Variants in NPSR1 observed in about 807,000 individuals in gnomAD.
NPSR1 encodes neuropeptide S receptor.
Under a neutral mutation model 46.9 loss-of-function variants are expected in NPSR1, and 48 were observed. The observed-to-expected ratio is 1.02, with a 90% confidence interval of 0.81 to 1.30. The LOEUF (loss-of-function observed/expected upper bound fraction) is 1.30, where lower values mean the gene tolerates loss of function less well. Ranked by LOEUF, NPSR1 falls within the 50% of genes most tolerant of loss-of-function variation. The probability of loss-of-function intolerance (pLI) is 0.00; values close to 1 mark genes in which losing one functional copy is unlikely to be tolerated. For missense variants in NPSR1, 450 were observed against 449.5 expected (o/e 1.00, Z -0.01); for synonymous variants, 176 against 168.1 (o/e 1.05, Z -0.36).
chr7:34,797,487 T>C (rs909471326), intron 3 of NPSR1, among the ~76,000 whole-genome samples: 1 of 152,132 alleles, frequency 6.6e-6, no homozygotes, highest in Non-Finnish European at 1.5e-5. Context: ...CTAAAACTGC[T>C]CTAATAATAA....
At chr7:34,699,192 G>GT (rs1793691511) in intron 2 of NPSR1, among the ~76,000 whole-genome samples, 1 of 152,154 alleles carries the variant, frequency 6.6e-6, no homozygotes, top group African/African-American at 2.4e-5. Flanking sequence ...TAAAGATGCT[G>GT]TTATTGACCA....
chr7:34,785,577 AAAGT>A (rs1787431063), intron 3 of NPSR1, among the ~76,000 whole-genome samples: 1 of 152,164 alleles, frequency 6.6e-6, no homozygotes, highest in South Asian at 2.1e-4. Context: ...CTCACTGTTA[AAAGT>A]AAGTACATTT....
intron 8 of NPSR1, among the ~76,000 whole-genome samples, chr7:34,868,251 C>T (rs145172238): frequency 6.6e-6 from 1 of 151,584 alleles, no homozygotes; most frequent in African/African-American, 2.4e-5. Context: ...TCTGCTCCCC[C>T]TTCACTAGAA....
intron 2 of NPSR1, among the ~76,000 whole-genome samples, chr7:34,689,402 G>A (rs895895263): frequency 6.6e-5 from 10 of 151,484 alleles, no homozygotes; most frequent in Non-Finnish European, 1.0e-4. Context: ...TCAGGAGATC[G>A]AGACCATCCT....
intron 2 of NPSR1, among the ~76,000 whole-genome samples, chr7:34,705,830 A>C (rs1794077694): frequency 6.6e-6 from 1 of 151,862 alleles, no homozygotes. Flanking sequence ...ATCAATGTGT[A>C]TTTCTATATT....
chr7:34,844,536 A>G (rs549105747), intron 6 of NPSR1, among the ~76,000 whole-genome samples: 2 of 152,296 alleles, frequency 1.3e-5, no homozygotes, highest in South Asian at 2.1e-4. Flanking sequence ...AAGTGGCCAC[A>G]TGGGTGTCTC....
chr7:34,774,370 C>T (rs1008713131), intron 2 of NPSR1, among the ~76,000 whole-genome samples: 1 of 152,174 alleles, frequency 6.6e-6, no homozygotes, highest in African/African-American at 2.4e-5. Context: ...CTCATGCAGC[C>T]TCTTCATGCC....
rs776453644 is a variant in NPSR1, at chr7:34,827,525, G to A, written c.603G>A (p.Trp201Ter). The change falls in exon 5 of 9, where the codon TGG becomes TGA. Residue 201 changes from tryptophan (W) to a stop codon, truncating the protein, a stop_gained. Transcript: ENST00000360581. LOFTEE classifies it high-confidence loss of function. Reference sequence around the variant, plus strand: ...GTGAAGTGCAGTGCTGGGCCCTGTGGCCTGACGACTCCTACTGGACCCCAT... The same window carrying A: ...GTGAAGTGCAGTGCTGGGCCCTGTGACCTGACGACTCCTACTGGACCCCAT... ...SNGEVQCWAL[W>*]PDDSYWTPYM... 1 of 1,613,508 alleles carries A rather than the reference G, an allele frequency of 6.2e-7. No individual in the cohort carries two copies. Among genetic ancestry groups the A allele is most frequent in the South Asian group, 1.1e-5 (1 of 91,064 alleles).
intron 2 of NPSR1, among the ~76,000 whole-genome samples, chr7:34,708,970 C>G (rs1045783790): frequency 6.6e-6 from 1 of 152,094 alleles, no homozygotes; most frequent in Non-Finnish European, 1.5e-5. Context: ...TAATGAGGCT[C>G]AGAGAGGGTA....
At chr7:34,738,657 G>C (rs1404728074) in intron 2 of NPSR1, among the ~76,000 whole-genome samples, 2 of 151,728 alleles carry the variant, frequency 1.3e-5, no homozygotes, top group Non-Finnish European at 2.9e-5. Flanking sequence ...TTTGTTCCCT[G>C]CTTTTGTCTT....
At chr7:34,847,950 G>A (rs2128764857) in intron 7 of NPSR1, among the ~76,000 whole-genome samples, 1 of 152,326 alleles carries the variant, frequency 6.6e-6, no homozygotes, top group South Asian at 2.1e-4. Context: ...AGGGCATAGT[G>A]TGGGTGTTTT....
intron 4 of NPSR1, among the ~76,000 whole-genome samples, chr7:34,822,903 ATAAAAATT>A (rs1789623022): frequency 6.6e-6 from 1 of 152,226 alleles, no homozygotes. Flanking sequence ...TTTTTACTAC[ATAAAAATT>A]TAAATTATTT....
At chr7:34,778,669 A>G in intron 3 of NPSR1, 104 bp downstream of exon 3, 1 of 672,660 alleles carries the variant, frequency 1.5e-6, no homozygotes, top group South Asian at 1.9e-5. Flanking sequence ...TATGCATCAA[A>G]CTGCCCGCTT....
At chr7:34,815,666 G>A (rs1789210480) in intron 4 of NPSR1, among the ~76,000 whole-genome samples, 1 of 152,192 alleles carries the variant, frequency 6.6e-6, no homozygotes, top group African/African-American at 2.4e-5. Flanking sequence ...CAGCCAGAGA[G>A]AAAGGTCAGG....
At chr7:34,873,475 A>G (rs1350190273) in intron 8 of NPSR1, among the ~76,000 whole-genome samples, 1 of 151,792 alleles carries the variant, frequency 6.6e-6, no homozygotes, top group Non-Finnish European at 1.5e-5. Context: ...GCTTTACATG[A>G]AGCATGGTGC....
chr7:34,748,273 T>C (rs2128722415), intron 2 of NPSR1, among the ~76,000 whole-genome samples: 1 of 152,342 alleles, frequency 6.6e-6, no homozygotes, highest in Non-Finnish European at 1.5e-5. Context: ...ATAATATCTA[T>C]TGATCAAACC....
Position 34,684,576 on chromosome 7 carries a change from G to T in NPSR1, c.172G>T (p.Val58Phe). 1 of 1,613,530 alleles carries T rather than the reference G, an allele frequency of 6.2e-7. No individual in the cohort carries two copies. Among genetic ancestry groups the T allele is most frequent in the Non-Finnish European group, 8.5e-7 (1 of 1,179,722 alleles). ...GACTGAGCAATTGATAACTCTGTGG[G>T]TCCTCTTTGTTTTTACCATTGTTGG... ...FKTEQLITLWVLFVFTIVGNS... is the reference protein window; with the variant it reads ...FKTEQLITLWFLFVFTIVGNS... Residue 58 changes from valine (V) to phenylalanine (F), a missense_variant, in exon 2 of 9, where the codon GTC (valine) becomes TTC (phenylalanine). Val to Phe is a conservative substitution (Grantham distance 50). Coordinates refer to ENST00000360581, the MANE Select transcript of NPSR1 (RefSeq NM_207172.2).
chr7:34,867,006 G>C (rs1472991820), intron 8 of NPSR1, among the ~76,000 whole-genome samples: 1 of 151,600 alleles, frequency 6.6e-6, no homozygotes, highest in Non-Finnish European at 1.5e-5. Flanking sequence ...TTCCACCCAG[G>C]AGCAAGACTG....
intron 4 of NPSR1, among the ~76,000 whole-genome samples, chr7:34,819,167 C>G (rs1789419554): frequency 6.6e-6 from 1 of 151,960 alleles, no homozygotes; most frequent in African/African-American, 2.4e-5. Flanking sequence ...TGCAATCTAC[C>G]CATCTGAAAA....
Sources: allele counts gnomAD v4.1 joint callset (sites outside exome capture counted in the v4.1 genomes callset), GRCh38; gene constraint gnomAD v4.1.1; transcripts MANE v1.5; gene names NCBI Gene and HGNC (gene_info 2026-07-23, HGNC 2026-07-21).